The following RBFOX1 variants were observed in gnomAD, a reference collection of about 807,000 sequenced individuals.
RBFOX1 encodes the protein RNA binding protein fox-1 homolog 1.
RBFOX1 carries 8 observed loss-of-function variants against 57.7 expected under a neutral mutation model. The ratio of observed to expected loss-of-function variants is 0.14; its 90% CI spans 0.08 to 0.25. The LOEUF (loss-of-function observed/expected upper bound fraction) is 0.25, where lower values mean the gene tolerates loss of function less well. RBFOX1 is among the 10% of genes least tolerant of loss of function. The probability of loss-of-function intolerance (pLI) is 1.00; values close to 1 mark genes in which losing one functional copy is unlikely to be tolerated. For synonymous variants in RBFOX1, 326 were observed against 222.4 expected (o/e 1.47, Z -4.15); for missense variants, 611 against 548.5 (o/e 1.11, Z -1.14).
chr16:5,854,065 A>G (rs2056964286), intron 3 of RBFOX1, among the ~76,000 whole-genome samples: 1 of 152,252 alleles, frequency 6.6e-6, no homozygotes, highest in South Asian at 2.1e-4. Context: ...TTGACAAAGA[A>G]GAACTGTATT....
rs371613661 is a variant in RBFOX1 at position 6,491,975 on chromosome 16, G to A, written c.-63-162628G>A. Among the ~76,000 whole-genome samples, 2 of 152,252 alleles carry A rather than the reference G, an allele frequency of 1.3e-5. 1 individual carries two copies. The highest frequency in any genetic ancestry group is 4.1e-4 in the South Asian group (2 of 4,822). On this transcript the variant is annotated intron_variant, in intron 2 of 15. Transcript: ENST00000550418. ...TCTTGGCAAATTATGCAAGTGGCTGGATATTTTGGGTAGATGGGTGGATGG... is the reference window on the plus strand; with the variant it reads ...TCTTGGCAAATTATGCAAGTGGCTGAATATTTTGGGTAGATGGGTGGATGG...
intron 4 of RBFOX1, among the ~76,000 whole-genome samples, chr16:7,179,054 A>T (rs532662195): frequency 4.0e-4 from 61 of 152,128 alleles, no homozygotes; most frequent in African/African-American, 1.4e-3. Context: ...TTTTATGGCT[A>T]TTTCTTTAAT....
intron 1 of RBFOX1, among the ~76,000 whole-genome samples, chr16:5,435,912 G>T (rs538719142): frequency 6.6e-6 from 1 of 152,184 alleles, no homozygotes; most frequent in South Asian, 2.1e-4. Flanking sequence ...TGAACAACCC[G>T]ATTGCTTAAA....
intron 3 of RBFOX1, among the ~76,000 whole-genome samples, chr16:6,857,221 T>G (rs2058071820): frequency 6.6e-6 from 1 of 152,198 alleles, no homozygotes; most frequent in African/African-American, 2.4e-5. Context: ...CGCTGATATA[T>G]AAATCATATT....
chr16:5,319,754 GT>G (rs2064349462), intron 1 of RBFOX1, among the ~76,000 whole-genome samples: 1 of 152,198 alleles, frequency 6.6e-6, no homozygotes. Context: ...GAAGTTTGTT[GT>G]CCACAAGACA....
chr16:6,339,137 A>C (rs561157109), intron 2 of RBFOX1, among the ~76,000 whole-genome samples: 1 of 152,216 alleles, frequency 6.6e-6, no homozygotes, highest in African/African-American at 2.4e-5. Flanking sequence ...TATTTTATGG[A>C]ATACTTACTG....
At chr16:6,716,315 G>A (rs1433858135) in intron 3 of RBFOX1, among the ~76,000 whole-genome samples, 3 of 152,098 alleles carry the variant, frequency 2.0e-5, no homozygotes, top group Admixed American at 6.6e-5. Flanking sequence ...TCCCTTCTGT[G>A]GGGTATTTTC....
At chr16:5,355,728 A>G (rs769607339) in intron 1 of RBFOX1, among the ~76,000 whole-genome samples, 2 of 152,188 alleles carry the variant, frequency 1.3e-5, no homozygotes, top group African/African-American at 2.4e-5. Context: ...TACAGATATA[A>G]TAAAGAGTCA....
At chr16:7,243,992 C>T (rs2094181891) in intron 4 of RBFOX1, among the ~76,000 whole-genome samples, 1 of 116,688 alleles carries the variant, frequency 8.6e-6, no homozygotes, top group Non-Finnish European at 1.8e-5. Context: ...TTCTTTTTTC[C>T]TGGAGAGAAT....
chr16:5,348,545 G>C (rs992760401), intron 1 of RBFOX1, among the ~76,000 whole-genome samples: 1 of 152,156 alleles, frequency 6.6e-6, no homozygotes, highest in Admixed American at 6.5e-5. Flanking sequence ...AGGAGCCTGG[G>C]TTCAAACCTA....
chr16:7,669,214 T>C (rs1036120311), intron 13 of RBFOX1, among the ~76,000 whole-genome samples: 4 of 152,168 alleles, frequency 2.6e-5, no homozygotes, highest in Non-Finnish European at 4.4e-5. Context: ...CCTGAAGCTA[T>C]AGGTTTTATG....
In RBFOX1 at chr16:7,518,302, C is replaced by G; in HGVS notation, c.183C>G (p.His61Gln). The G allele has an allele frequency of 3.1e-6, 5 of 1,614,150 alleles. No homozygotes were observed. The highest frequency in any genetic ancestry group is 4.2e-6 in the Non-Finnish European group (5 of 1,180,022). Reference protein sequence around the residue: ...EYTGQTTVPEHTLNLYPPAQT... With the variant: ...EYTGQTTVPEQTLNLYPPAQT... Reference sequence around the variant, plus strand: ...CAGGCCAGACCACGGTTCCCGAGCACACATTAAACCTGTACCCTCCCGCCC... The same window carrying G: ...CAGGCCAGACCACGGTTCCCGAGCAGACATTAAACCTGTACCCTCCCGCCC... The change falls in exon 5 of 16, where the codon CAC becomes CAG. Residue 61 changes from histidine to glutamine, a missense_variant. Around this residue, in one of 3 missense-constraint regions of RBFOX1, gnomAD observed 245 missense variants for 159.1 expected, o/e 1.54. Transcript: ENST00000550418.
chr16:5,705,051 G>T (rs535454668), intron 3 of RBFOX1, among the ~76,000 whole-genome samples: 1 of 152,028 alleles, frequency 6.6e-6, no homozygotes, highest in Non-Finnish European at 1.5e-5. Context: ...TATCCATTTT[G>T]CAAAATCAAA....
intron 2 of RBFOX1, among the ~76,000 whole-genome samples, chr16:6,546,901 T>C (rs1004663262): frequency 1.6e-4 from 25 of 152,204 alleles, no homozygotes; most frequent in African/African-American, 5.8e-4. Context: ...GCTTGGTTTG[T>C]GGACCACACA....
At chr16:6,220,562 A>T (rs1435831005) in intron 1 of RBFOX1, among the ~76,000 whole-genome samples, 2 of 152,208 alleles carry the variant, frequency 1.3e-5, no homozygotes, top group Admixed American at 1.3e-4. Flanking sequence ...AGATCTTTTG[A>T]TTAACCAAAA....
At chr16:5,564,894 G>A (rs750079217) in intron 2 of RBFOX1, among the ~76,000 whole-genome samples, 11 of 152,110 alleles carry the variant, frequency 7.2e-5, no homozygotes, top group Non-Finnish European at 1.0e-4. Flanking sequence ...GCTGTCCCTC[G>A]GGTGAGATGC....
At chr16:6,428,031 C>G (rs548944991) in intron 2 of RBFOX1, among the ~76,000 whole-genome samples, 7 of 152,148 alleles carry the variant, frequency 4.6e-5, no homozygotes, top group Non-Finnish European at 7.4e-5. Flanking sequence ...GCCTGTAATC[C>G]CAGCACTTTG....
chr16:7,190,653 C>T (rs995931678), intron 4 of RBFOX1, among the ~76,000 whole-genome samples: 4 of 152,164 alleles, frequency 2.6e-5, no homozygotes, highest in African/African-American at 9.6e-5. Context: ...ACCAGTACCA[C>T]ATGAAATCAG....
chr16:6,655,726 T>C (rs531646482), intron 3 of RBFOX1, among the ~76,000 whole-genome samples: 54 of 152,288 alleles, frequency 3.5e-4, no homozygotes, highest in African/African-American at 1.3e-3. Context: ...TAAGAGTACA[T>C]ACCTCCTGGC....
Sources: gnomAD v4.1 joint callset for allele counts (sites outside exome capture counted in the v4.1 genomes callset) on GRCh38, gnomAD v4.1.1 for gene constraint, gnomAD v4.1.1 regional missense constraint, MANE v1.5 for transcripts, NCBI Gene and HGNC (gene_info 2026-07-23, HGNC 2026-07-21) for gene names.